Variants in ARNT2 observed in about 807,000 individuals in gnomAD.
The protein encoded by ARNT2 is ARNT protein 2.
In ARNT2, 36 loss-of-function variants were observed where a neutral mutation model predicts 91.7. The ratio of observed to expected loss-of-function variants is 0.39; its 90% CI spans 0.30 to 0.52. The LOEUF (loss-of-function observed/expected upper bound fraction) is 0.52, where lower values mean the gene tolerates loss of function less well. Among genes scored for constraint, ARNT2 ranks in the 20% least tolerant of loss-of-function variants. The pLI, the probability that ARNT2 is intolerant of heterozygous loss-of-function variation, is 0.72. For missense variants in ARNT2, 775 were observed against 939.3 expected, an observed-to-expected ratio of 0.83 and a Z score of 2.29; for synonymous variants, 365 against 347.1, an observed-to-expected ratio of 1.05 and a Z score of -0.57.
chr15:80,534,328 G>A (rs553270292), intron 8 of ARNT2, among the ~76,000 whole-genome samples: 1 of 148,844 alleles, frequency 6.7e-6, no homozygotes, highest in Non-Finnish European at 1.5e-5. Flanking sequence ...TTTTTTTTTT[G>A]TCTTTTTAAG....
intron 6 of ARNT2, 70 bp from the exon 7 acceptor site, chr15:80,513,841 A>G (rs534842715): frequency 5.1e-5 from 68 of 1,320,748 alleles, no homozygotes; most frequent in Non-Finnish European, 6.9e-5. Context: ...CATCTACTTG[A>G]TGGCAGCACC....
Position 80,554,081 on chromosome 15 carries a change from C to T in ARNT2, c.1090-984C>T, listed in dbSNP as rs948887397. ...TTAGACCATTTGCTGATTTGGATTG[C>T]GATCTATGAGTTAGTTTAAATCTTT... On this transcript the variant is annotated intron_variant, in intron 10 of 18. Coordinates refer to ENST00000303329, the MANE Select transcript of ARNT2 (RefSeq NM_014862.4). Among the ~76,000 whole-genome samples, 10 of 152,242 alleles carry T rather than the reference C, an allele frequency of 6.6e-5. No homozygotes were observed. The East Asian group carries it at 7.7e-4, about 12-fold the overall frequency.
At chr15:80,497,706 C>T (rs528044285) in intron 5 of ARNT2, among the ~76,000 whole-genome samples, 2 of 152,274 alleles carry the variant, frequency 1.3e-5, no homozygotes, top group African/African-American at 4.8e-5. Context: ...CTGAGAAGCT[C>T]GCAGCCCATC....
At chr15:80,572,123 T>TAAA (rs971483490) in intron 12 of ARNT2, among the ~76,000 whole-genome samples, 1 of 145,132 alleles carries the variant, frequency 6.9e-6, no homozygotes, top group Admixed American at 6.9e-5. Context: ...GAAAGGGAAT[T>TAAA]AAAAAAAAAA....
rs373444920 is a variant in ARNT2 at position 80,597,222 on chromosome 15, G to A, written c.*3524G>A. The stretch of plus-strand genomic sequence containing the variant: ...AATGAATGGTGGTCTCCCCACTCCC[G>A]GCAGCACTTTAGGCAGCCCATAAGC... On this transcript the variant is annotated 3_prime_UTR_variant, in exon 19 of 19. Transcript: ENST00000303329. 292 of 518,298 alleles carry A rather than the reference G, an allele frequency of 5.6e-4. 1 individual carries two copies. Among genetic ancestry groups the A allele is most frequent in the Non-Finnish European group, 9.5e-4 (246 of 259,786 alleles). 32.1% of individuals were successfully genotyped at this position (518,298 alleles called of 1,614,324 possible).
chr15:80,453,916 T>C (rs1012368550), intron 2 of ARNT2, among the ~76,000 whole-genome samples: 2 of 152,286 alleles, frequency 1.3e-5, no homozygotes, highest in East Asian at 3.9e-4. Context: ...GAGGGAAGTA[T>C]CCCAAATTTC....
At chr15:80,458,788 G>T (rs1488541432) in intron 3 of ARNT2, among the ~76,000 whole-genome samples, 2 of 151,992 alleles carry the variant, frequency 1.3e-5, no homozygotes, top group Non-Finnish European at 2.9e-5. Context: ...CTAAGGAAGG[G>T]CCTGCCTTGA....
At chr15:80,566,841 A>C (rs1166555448) in intron 12 of ARNT2, among the ~76,000 whole-genome samples, 1 of 152,182 alleles carries the variant, frequency 6.6e-6, no homozygotes, top group Non-Finnish European at 1.5e-5. Context: ...TCTTGGTTGT[A>C]AGTAGAGCAG....
intron 1 of ARNT2, among the ~76,000 whole-genome samples, chr15:80,419,923 G>T (rs1895837947): frequency 6.6e-6 from 1 of 152,188 alleles, no homozygotes; most frequent in Non-Finnish European, 1.5e-5. Flanking sequence ...TTAGGATAAG[G>T]GGTGGAGCCT....
rs1893394330 is a variant in ARNT2, at chr15:80,597,540, A to G, written c.*3842A>G. 3.9e-6 allele frequency: 1 copy of G among 254,430 alleles called. No homozygotes were observed. The highest frequency in any genetic ancestry group is 4.9e-5 in the Admixed American group (1 of 20,496). 15.8% of individuals were successfully genotyped at this position (254,430 alleles called of 1,614,324 possible). A position where few individuals can be genotyped will look rare whatever the true frequency, so the allele number is the denominator to read the frequency against. On this transcript the variant is annotated 3_prime_UTR_variant, in exon 19 of 19. Coordinates refer to ENST00000303329, the MANE Select transcript of ARNT2 (RefSeq NM_014862.4). The stretch of plus-strand genomic sequence containing the variant: ...AGGCACCACACAGTGGTGCAGGCAC[A>G]TTTCCAAGCGTAGGTGTCCCTGGCT...
chr15:80,414,705 C>G (rs1371880304), intron 1 of ARNT2, among the ~76,000 whole-genome samples: 1 of 151,906 alleles, frequency 6.6e-6, no homozygotes, highest in Non-Finnish European at 1.5e-5. Flanking sequence ...TGATGGATTC[C>G]AAGTCCCCCA....
chr15:80,425,852 A>G (rs968764237), intron 1 of ARNT2, among the ~76,000 whole-genome samples: 3 of 152,206 alleles, frequency 2.0e-5, no homozygotes, highest in African/African-American at 7.2e-5. Flanking sequence ...GCTCGAGACC[A>G]GCCTGGGCAA....
intron 5 of ARNT2, chr15:80,488,541 T>C (rs1443941707): frequency 6.6e-6 from 1 of 152,194 alleles, no homozygotes; most frequent in Non-Finnish European, 1.5e-5. Context: ...GCATCAGAAT[T>C]CTGTTGATTC....
intron 8 of ARNT2, among the ~76,000 whole-genome samples, chr15:80,539,420 T>C (rs555191427): frequency 1.3e-5 from 2 of 152,276 alleles, no homozygotes; most frequent in East Asian, 3.9e-4. Flanking sequence ...GAAATATCTT[T>C]GTAAACTAAT....
At chr15:80,499,276 G>A in intron 5 of ARNT2, among the ~76,000 whole-genome samples, 1 of 152,114 alleles carries the variant, frequency 6.6e-6, no homozygotes, top group East Asian at 1.9e-4. Context: ...ATCTTGGTGT[G>A]CAACCACTGT....
intron 1 of ARNT2, among the ~76,000 whole-genome samples, chr15:80,414,909 A>T (rs765452208): frequency 2.0e-5 from 3 of 152,098 alleles, no homozygotes; most frequent in Non-Finnish European, 4.4e-5. Flanking sequence ...GGTTGGAAAG[A>T]TGTGGCATAA....
intron 10 of ARNT2, chr15:80,554,861 G>A: frequency 1.9e-6 from 1 of 519,014 alleles, no homozygotes; most frequent in Non-Finnish European, 3.4e-6. Context: ...GAGCATGCCA[G>A]AAGAACTTAG....
At chr15:80,534,512 T>A (rs192798917) in intron 8 of ARNT2, among the ~76,000 whole-genome samples, 2 of 152,320 alleles carry the variant, frequency 1.3e-5, no homozygotes, top group Non-Finnish European at 2.9e-5. Context: ...TTGACAATAT[T>A]CTAGCACTTC....
chr15:80,418,905 T>C (rs1895823217), intron 1 of ARNT2, among the ~76,000 whole-genome samples: 1 of 152,192 alleles, frequency 6.6e-6, no homozygotes, highest in South Asian at 2.1e-4. Flanking sequence ...ATTTATTAAA[T>C]ATCTGCCCTT....
Sources: allele counts gnomAD v4.1 joint callset (sites outside exome capture counted in the v4.1 genomes callset), GRCh38; gene constraint gnomAD v4.1.1; transcripts MANE v1.5; gene names NCBI Gene and HGNC (gene_info 2026-07-23, HGNC 2026-07-21).